CTNNA2: variants seen among roughly 807,000 people sequenced by gnomAD.
CTNNA2 encodes catenin alpha-2.
In CTNNA2, 42 loss-of-function variants were observed where a neutral mutation model predicts 101.0. The observed-to-expected ratio is 0.42, with a 90% CI of 0.32 to 0.54. CTNNA2 has a LOEUF of 0.54. Among genes scored for constraint, CTNNA2 ranks in the 20% least tolerant of loss-of-function variants. CTNNA2 has a pLI of 0.14. For synonymous variants in CTNNA2, 450 were observed against 456.4 expected, an observed-to-expected ratio of 0.99 and a Z score of 0.18; for missense variants, 871 against 1,223.1, an observed-to-expected ratio of 0.71 and a Z score of 4.29.
chr2:79,853,764 G>A (rs1275468854), intron 3 of CTNNA2, among the ~76,000 whole-genome samples: 1 of 151,146 alleles, frequency 6.6e-6, no homozygotes, highest in Non-Finnish European at 1.5e-5. Flanking sequence ...CACCTCCCGG[G>A]TTCAAGTGAT....
At chr2:80,603,916 A>G (rs1697772967) in intron 15 of CTNNA2, 158 bp from the exon 16 acceptor site, 1 of 554,478 alleles carries the variant, frequency 1.8e-6, no homozygotes, top group Non-Finnish European at 3.2e-6. Flanking sequence ...GACTACTAAT[A>G]TAGAAACTGG....
chr2:80,606,414 C>CACACACACACACACACACACACCCA (rs1558638318), intron 16 of CTNNA2, among the ~76,000 whole-genome samples: 1 of 51,634 alleles, frequency 1.9e-5, no homozygotes, highest in Admixed American at 2.1e-4. Flanking sequence ...ACACACACAC[C>CACACACACACACACACACACACCCA]CCCCAGGATA....
intron 7 of CTNNA2, among the ~76,000 whole-genome samples, chr2:80,023,604 C>G (rs1315391645): frequency 1.3e-5 from 2 of 152,048 alleles, no homozygotes; most frequent in Non-Finnish European, 2.9e-5. Context: ...AAAATACTTC[C>G]TAATAACATA....
chr2:79,357,180 G>A (rs1046284305), intron 3 of CTNNA2, among the ~76,000 whole-genome samples: 1 of 152,108 alleles, frequency 6.6e-6, no homozygotes, highest in Non-Finnish European at 1.5e-5. Flanking sequence ...AAAAAAATTA[G>A]TTAAGTGTGG....
chr2:79,393,834 T>C (rs191019586), intron 4 of CTNNA2, among the ~76,000 whole-genome samples: 57 of 152,244 alleles, frequency 3.7e-4, no homozygotes, highest in Admixed American at 1.2e-3. Context: ...CCTGGCTCCC[T>C]GCAGGATCGG....
chr2:79,498,121 A>G (rs971656137), intron 4 of CTNNA2: 2 of 152,194 alleles, frequency 1.3e-5, no homozygotes, highest in Admixed American at 1.3e-4. Flanking sequence ...TTCCTCCTAT[A>G]TGTAGATACC....
At chr2:79,516,313 T>C (rs546524937) in intron 1 of CTNNA2, among the ~76,000 whole-genome samples, 1 of 152,192 alleles carries the variant, frequency 6.6e-6, no homozygotes, top group Admixed American at 6.5e-5. Flanking sequence ...TATATGATTA[T>C]GTACTAGAAA....
intron 2 of CTNNA2, among the ~76,000 whole-genome samples, chr2:79,205,893 C>G (rs955622964): frequency 5.3e-5 from 8 of 152,164 alleles, no homozygotes; most frequent in African/African-American, 1.9e-4. Context: ...AGTAATTTGT[C>G]TGAGATCTCT....
intron 2 of CTNNA2, among the ~76,000 whole-genome samples, chr2:79,292,476 A>G (rs1675848762): frequency 6.6e-6 from 1 of 152,208 alleles, no homozygotes. Context: ...AGCTTGAATC[A>G]TCACCTAGGT....
At chr2:79,633,041 A>G (rs17017370) in intron 1 of CTNNA2, among the ~76,000 whole-genome samples, 7,255 of 152,310 alleles carry the variant, frequency 0.048, 558 homozygotes, top group African/African-American at 0.16. Flanking sequence ...CTTCAAAAGT[A>G]CCACAAGTCC....
intron 13 of CTNNA2, among the ~76,000 whole-genome samples, chr2:80,578,626 A>AG (rs1212585355): frequency 4.6e-5 from 7 of 152,196 alleles, no homozygotes; most frequent in African/African-American, 1.7e-4. Flanking sequence ...TGCGTGTTTA[A>AG]GGTACATGTA....
chr2:80,573,776 C>CA (rs778933723), intron 12 of CTNNA2, among the ~76,000 whole-genome samples: 7 of 152,102 alleles, frequency 4.6e-5, no homozygotes, highest in Non-Finnish European at 1.0e-4. Context: ...ATTTTATAGA[C>CA]AAAGAAACAG....
chr2:79,899,164 A>G (rs189398000), intron 6 of CTNNA2, among the ~76,000 whole-genome samples: 2 of 152,130 alleles, frequency 1.3e-5, no homozygotes, highest in East Asian at 3.9e-4. Context: ...GAGACTAGAG[A>G]TAACATGACT....
intron 3 of CTNNA2, among the ~76,000 whole-genome samples, chr2:79,341,770 T>C (rs1677144025): frequency 6.6e-6 from 1 of 152,236 alleles, no homozygotes; most frequent in South Asian, 2.1e-4. Context: ...ACCCATTGAA[T>C]GCGCAGGTGT....
At chr2:80,205,907 G>A (rs1412319364) in intron 7 of CTNNA2, among the ~76,000 whole-genome samples, 1 of 152,168 alleles carries the variant, frequency 6.6e-6, no homozygotes, top group Non-Finnish European at 1.5e-5. Flanking sequence ...GACACTAAAA[G>A]TTTTTTAAAT....
intron 7 of CTNNA2, among the ~76,000 whole-genome samples, chr2:80,307,578 C>T (rs1677151289): frequency 6.6e-6 from 1 of 152,140 alleles, no homozygotes; most frequent in Non-Finnish European, 1.5e-5. Context: ...CACCAGGTTA[C>T]AATGTAGCTA....
chr2:80,362,935 T>C (rs1674553321), intron 7 of CTNNA2, among the ~76,000 whole-genome samples: 2 of 150,646 alleles, frequency 1.3e-5, no homozygotes, highest in Non-Finnish European at 2.9e-5. Flanking sequence ...AGGTTTGCTA[T>C]ATATCAGGCC....
chr2:79,580,941 A>G (rs1006489756), intron 1 of CTNNA2, among the ~76,000 whole-genome samples: 2 of 152,222 alleles, frequency 1.3e-5, no homozygotes, highest in African/African-American at 4.8e-5. Context: ...ACTTGATTTT[A>G]CCACCATGTT....
At chr2:80,541,924 C>T (rs1246363241) in intron 9 of CTNNA2, among the ~76,000 whole-genome samples, 1 of 89,772 alleles carries the variant, frequency 1.1e-5, no homozygotes. Context: ...TAAGCATATC[C>T]CAAAGTAAAG....
Sources: allele counts gnomAD v4.1 joint callset (sites outside exome capture counted in the v4.1 genomes callset), GRCh38; gene constraint gnomAD v4.1.1; transcripts MANE v1.5; gene names NCBI Gene and HGNC (gene_info 2026-07-23, HGNC 2026-07-21).